The following BANK1 variants were observed in gnomAD, a reference collection of about 807,000 sequenced individuals.
BANK1 encodes the protein B-cell scaffold protein with ankyrin repeats.
Under a neutral mutation model 94.5 loss-of-function variants are expected in BANK1, and 95 were observed. The ratio of observed to expected loss-of-function variants is 1.00; its 90% CI spans 0.85 to 1.19. The LOEUF is 1.19. Ranked by LOEUF, BANK1 falls within the 50% of genes most tolerant of loss-of-function variation. The pLI is 0.00. For missense variants in BANK1, 987 were observed against 932.2 expected, an observed-to-expected ratio of 1.06 and a Z score of -0.77; for synonymous variants, 334 against 308.4, an observed-to-expected ratio of 1.08 and a Z score of -0.87.
intron 5 of BANK1, among the ~76,000 whole-genome samples, chr4:101,873,391 A>G (rs17031771): frequency 0.075 from 11,463 of 152,244 alleles, 638 homozygotes; most frequent in Admixed American, 0.19. Flanking sequence ...TTTAAAAGCT[A>G]TTGGGCATGT....
intron 2 of BANK1, among the ~76,000 whole-genome samples, chr4:101,831,152 A>G (rs770905986): frequency 3.2e-4 from 48 of 152,136 alleles, no homozygotes; most frequent in Non-Finnish European, 6.0e-4. Flanking sequence ...GTCCACATCT[A>G]TCTGAAGATA....
intron 10 of BANK1, among the ~76,000 whole-genome samples, chr4:102,042,444 A>G (rs1392165632): frequency 6.6e-6 from 1 of 151,956 alleles, no homozygotes; most frequent in Non-Finnish European, 1.5e-5. Flanking sequence ...TTTGAAACAT[A>G]TTTTGCCTCT....
chr4:102,016,233 T>C (rs906773486), intron 7 of BANK1, among the ~76,000 whole-genome samples: 1 of 152,212 alleles, frequency 6.6e-6, no homozygotes, highest in African/African-American at 2.4e-5. Flanking sequence ...ATATTTTAAA[T>C]GTATGTTTCA....
chr4:101,821,656 G>T (rs1402223030), intron 1 of BANK1, among the ~76,000 whole-genome samples: 2 of 151,870 alleles, frequency 1.3e-5, no homozygotes, highest in South Asian at 2.1e-4. Context: ...GGGTTTTTTT[G>T]TTTGTTTGTT....
At chr4:101,805,251 C>T (rs1725514270) in intron 1 of BANK1, among the ~76,000 whole-genome samples, 1 of 151,990 alleles carries the variant, frequency 6.6e-6, no homozygotes, top group East Asian at 1.9e-4. Context: ...ATTTTTCTAT[C>T]TAAAATGACA....
intron 7 of BANK1, among the ~76,000 whole-genome samples, chr4:101,922,009 C>CTTGTGTGT (rs369185640): frequency 1.9e-4 from 25 of 129,450 alleles, no homozygotes; most frequent in Middle Eastern, 3.8e-3. Context: ...ACACTGGGCC[C>CTTGTGTGT]GTGTGTGTGT....
chr4:101,906,588 A>T (rs927659710), intron 6 of BANK1, among the ~76,000 whole-genome samples: 6 of 152,144 alleles, frequency 3.9e-5, no homozygotes, highest in Non-Finnish European at 7.4e-5. Flanking sequence ...CTTTAGCTTT[A>T]GCTGGTAAAT....
chr4:101,817,445 G>A (rs537762809), intron 1 of BANK1, among the ~76,000 whole-genome samples: 5 of 152,174 alleles, frequency 3.3e-5, no homozygotes, highest in South Asian at 4.2e-4. Flanking sequence ...ACCAAATACC[G>A]AATGTTCTTA....
At chr4:101,804,036 A>T (rs1350956003) in intron 1 of BANK1, among the ~76,000 whole-genome samples, 1 of 81,490 alleles carries the variant, frequency 1.2e-5, no homozygotes, top group Non-Finnish European at 3.2e-5. Flanking sequence ...GAAATATATA[A>T]AAAAAAGAAA....
At chr4:101,994,071 T>C (rs936603258) in intron 7 of BANK1, among the ~76,000 whole-genome samples, 2 of 152,260 alleles carry the variant, frequency 1.3e-5, no homozygotes, top group Non-Finnish European at 2.9e-5. Flanking sequence ...TTTCTTTATC[T>C]GTGAGATGGA....
chr4:101,944,955 T>C (rs1723881150), intron 7 of BANK1, among the ~76,000 whole-genome samples: 1 of 151,944 alleles, frequency 6.6e-6, no homozygotes, highest in African/African-American at 2.4e-5. Context: ...TAAAAGCATT[T>C]CAAATGAATA....
At position 101,955,180 on chromosome 4, in the gene BANK1, G is replaced by A. The variant is rs74385130; in HGVS notation, c.1206+36991G>A. On this transcript the variant is annotated intron_variant, in intron 7 of 16. Coordinates refer to ENST00000322953, the MANE Select transcript of BANK1 (RefSeq NM_017935.5). ...CAAGAGAGAGCACATTAGACCAAGC[G>A]AGCAGCCAGAAACAGCAATAAAATC... 5.6e-3 allele frequency among the ~76,000 whole-genome samples: 845 copies of A among 152,148 alleles called. 6 individuals are homozygous for A. Among genetic ancestry groups the A allele is most frequent in the Non-Finnish European group, 8.8e-3 (599 of 67,998 alleles).
At chr4:101,807,650 T>C (rs1373951157) in intron 1 of BANK1, among the ~76,000 whole-genome samples, 1 of 152,226 alleles carries the variant, frequency 6.6e-6, no homozygotes, top group Admixed American at 6.5e-5. Flanking sequence ...ATAAATGCTC[T>C]ACATGCTTTA....
intron 7 of BANK1, among the ~76,000 whole-genome samples, chr4:101,920,269 T>TAAATG (rs1440067218): frequency 1.3e-5 from 2 of 151,918 alleles, no homozygotes; most frequent in Non-Finnish European, 2.9e-5. Context: ...ATATCTAATA[T>TAAATG]AAATGATGAG....
intron 7 of BANK1, among the ~76,000 whole-genome samples, chr4:101,986,851 A>G (rs919150326): frequency 1.0e-3 from 73 of 70,892 alleles, no homozygotes; most frequent in African/African-American, 3.4e-3. Context: ...ATGTGTATAT[A>G]TATGTATATA....
intron 6 of BANK1, among the ~76,000 whole-genome samples, chr4:101,900,373 T>G (rs965608443): frequency 1.3e-5 from 2 of 152,168 alleles, no homozygotes; most frequent in African/African-American, 4.8e-5. Context: ...CATGTGAGGA[T>G]TTTACACATC....
chr4:102,033,865 T>C (rs138626370), intron 10 of BANK1, among the ~76,000 whole-genome samples: 17 of 152,358 alleles, frequency 1.1e-4, no homozygotes, highest in Admixed American at 1.1e-3. Flanking sequence ...TTTTCCATTT[T>C]TTATTTCCTT....
chr4:101,839,736 A>C (rs1726959904), intron 2 of BANK1, among the ~76,000 whole-genome samples: 1 of 151,886 alleles, frequency 6.6e-6, no homozygotes, highest in African/African-American at 2.4e-5. Flanking sequence ...ACCATATACA[A>C]TAATAATTTT....
intron 5 of BANK1, 124 bp downstream of exon 5, chr4:101,870,768 A>T: frequency 8.7e-7 from 1 of 1,154,848 alleles, no homozygotes; most frequent in Non-Finnish European, 1.2e-6. Flanking sequence ...CTACCAATCA[A>T]TAGGAAGGGA....
Sources: allele counts gnomAD v4.1 joint callset (sites outside exome capture counted in the v4.1 genomes callset), GRCh38; gene constraint gnomAD v4.1.1; transcripts MANE v1.5; gene names NCBI Gene and HGNC (gene_info 2026-07-23, HGNC 2026-07-21).